ABCA13: variants seen among roughly 807,000 people sequenced by gnomAD.
ABCA13 encodes the protein ATP binding cassette subfamily A member 13, also known as ATP-binding cassette sub-family A member 13.
ABCA13 carries 476 observed loss-of-function variants against 478.7 expected under a neutral mutation model. The observed-to-expected ratio is 0.99, with a 90% CI of 0.92 to 1.07. The LOEUF is 1.07. Ranked by LOEUF, ABCA13 falls within the 50% of genes least tolerant of loss-of-function variation. ABCA13 has a pLI of 0.00. For missense variants in ABCA13, 6,060 were observed against 5,910.6 expected, an observed-to-expected ratio of 1.03 and a Z score of -0.83; for synonymous variants, 2,252 against 2,158.9, an observed-to-expected ratio of 1.04 and a Z score of -1.20.
rs575352802 is a variant in ABCA13 at position 48,338,049 on chromosome 7, T to C, written c.10114-316T>C. Among the ~76,000 whole-genome samples the C allele has an allele frequency of 2.2e-4, 33 of 152,346 alleles. No homozygotes were observed. The East Asian group carries it at 6.0e-3, about 28-fold the overall frequency. On this transcript the variant is annotated intron_variant, in intron 28 of 61. Transcript: ENST00000435803. ...GGCCATGCAAAGGAAAGGAATCTTATAGAAAGGTTCATTATATAGGTTCGT... is the reference window on the plus strand; with the variant it reads ...GGCCATGCAAAGGAAAGGAATCTTACAGAAAGGTTCATTATATAGGTTCGT...
intron 55 of ABCA13, among the ~76,000 whole-genome samples, chr7:48,533,133 A>T (rs1833349229): frequency 6.6e-6 from 1 of 152,086 alleles, no homozygotes. Context: ...TAGGCATTTA[A>T]GGCTATGAGC....
intron 24 of ABCA13, among the ~76,000 whole-genome samples, 198 bp from the exon 25 acceptor site, chr7:48,312,869 A>T (rs1194647147): frequency 2.0e-5 from 3 of 152,236 alleles, no homozygotes; most frequent in African/African-American, 7.2e-5. Flanking sequence ...ATGCTAGTGC[A>T]ATTCAGTGTG....
intron 1 of ABCA13, among the ~76,000 whole-genome samples, chr7:48,186,654 C>T (rs1796389395): frequency 6.6e-6 from 1 of 152,028 alleles, no homozygotes; most frequent in Admixed American, 6.5e-5. Flanking sequence ...TTGAGGGGCA[C>T]TCTCTCCCTT....
At chr7:48,573,155 T>G (rs73694678) in intron 55 of ABCA13, among the ~76,000 whole-genome samples, 10,250 of 152,120 alleles carry the variant, frequency 0.067, 445 homozygotes, top group African/African-American at 0.11. Context: ...TTAATTTTGC[T>G]TATTATAACT....
chr7:48,270,934 A>G (rs1449495943), intron 16 of ABCA13, among the ~76,000 whole-genome samples: 3 of 152,224 alleles, frequency 2.0e-5, no homozygotes, highest in Non-Finnish European at 4.4e-5. Context: ...GCAAAGATTT[A>G]TCATGAACTG....
rs189626313 is a variant in ABCA13, at chr7:48,465,099, G to A, written c.12816-1857G>A. 1.4e-3 allele frequency among the ~76,000 whole-genome samples: 219 copies of A among 152,294 alleles called. 4 individuals are homozygous for A. The highest frequency in any genetic ancestry group is 0.013 in the Admixed American group (200 of 15,292). ...CGCTGGCTAGGCTGGGCTGGGTGCCGTGCTCAGGAAGAAATGGTGAGCAAC... is the reference window on the plus strand; with the variant it reads ...CGCTGGCTAGGCTGGGCTGGGTGCCATGCTCAGGAAGAAATGGTGAGCAAC... On this transcript the variant is annotated intron_variant, in intron 43 of 61. Coordinates refer to ENST00000435803, the MANE Select transcript of ABCA13 (RefSeq NM_152701.5).
chr7:48,360,809 G>A (rs552531437), intron 31 of ABCA13, among the ~76,000 whole-genome samples: 5 of 152,054 alleles, frequency 3.3e-5, no homozygotes, highest in East Asian at 3.9e-4. Context: ...CACTGTAATC[G>A]CATGACATAT....
chr7:48,235,675 G>C (rs1033143366), intron 8 of ABCA13, among the ~76,000 whole-genome samples: 4 of 152,142 alleles, frequency 2.6e-5, no homozygotes, highest in Non-Finnish European at 5.9e-5. Context: ...ATACTGTTGT[G>C]GGGGAGGAAA....
Position 48,276,179 on chromosome 7 carries a change from T to C in ABCA13, c.6513T>C (p.Ser2171=), listed in dbSNP as rs1367321614. The C allele has an allele frequency of 2.5e-6, 4 of 1,592,646 alleles. No individual in the cohort carries two copies. Among genetic ancestry groups the C allele is most frequent in the East Asian group, 2.3e-5 (1 of 44,400 alleles). Residue 2171 remains serine (S), a synonymous_variant, in exon 17 of 62, where the codon TCT becomes TCC. Coordinates refer to ENST00000435803, the MANE Select transcript of ABCA13 (RefSeq NM_152701.5). ...AAGCTATTGCTACTTTTTGGGGCTC[T>C]TTAAAAAATATATCTAGAGCAGGCA... is the stretch of plus-strand genomic sequence containing the variant. The part of the protein sequence containing the change: ...LAKAIATFWG[S]LKNISRAGNF...
intron 47 of ABCA13, 29 bp downstream of exon 47, chr7:48,483,192 T>C (rs758857556): frequency 6.4e-7 from 1 of 1,561,636 alleles, no homozygotes; most frequent in Non-Finnish European, 8.7e-7. Flanking sequence ...TTTTTTCCTG[T>C]TTTAGAAAGT....
chr7:48,327,332 G>C (rs912315401), intron 27 of ABCA13, among the ~76,000 whole-genome samples: 3 of 152,146 alleles, frequency 2.0e-5, no homozygotes, highest in Non-Finnish European at 4.4e-5. Context: ...ACTATCACAA[G>C]AATAGCATGG....
intron 15 of ABCA13, among the ~76,000 whole-genome samples, chr7:48,250,871 C>A (rs1297723723): frequency 6.6e-6 from 1 of 152,170 alleles, no homozygotes; most frequent in Admixed American, 6.5e-5. Context: ...TGCTCCATCA[C>A]AGTGGGGTTA....
chr7:48,398,499 G>A (rs568735395), intron 38 of ABCA13, among the ~76,000 whole-genome samples: 3 of 152,228 alleles, frequency 2.0e-5, no homozygotes, highest in African/African-American at 7.2e-5. Flanking sequence ...CTGTATCACC[G>A]CTTGGTTTCC....
At position 48,496,016 on chromosome 7, in the gene ABCA13, A is replaced by G. The variant is rs184788675; in HGVS notation, c.13291+6672A>G. ...ATTGTGTAAAGTGAGTTTTGTGTAG[A>G]GTGTATATTGTTAGGTCATATTTTT... On this transcript the variant is annotated intron_variant, in intron 48 of 61. Coordinates refer to ENST00000435803, the MANE Select transcript of ABCA13 (RefSeq NM_152701.5). Among the ~76,000 whole-genome samples the G allele has an allele frequency of 8.9e-4, 136 of 152,090 alleles. 1 individual carries two copies. The highest frequency in any genetic ancestry group is 2.7e-3 in the Admixed American group (41 of 15,278).
intron 15 of ABCA13, among the ~76,000 whole-genome samples, chr7:48,256,895 A>G (rs772473847): frequency 4.6e-5 from 7 of 152,160 alleles, no homozygotes; most frequent in Non-Finnish European, 8.8e-5. Flanking sequence ...GAATCTGTGA[A>G]TTGCTTTGGG....
In ABCA13 at chr7:48,174,369, T is replaced by A. The variant is rs527660744; in HGVS notation, c.69+2817T>A. On this transcript the variant is annotated intron_variant, in intron 1 of 61. Coordinates refer to ENST00000435803, the MANE Select transcript of ABCA13 (RefSeq NM_152701.5). ...GCATACATGTGATAATTTAGTAATT[T>A]GTATCATTCATAAAGAGCAAATCAG... 4.8e-4 allele frequency among the ~76,000 whole-genome samples: 73 copies of A among 152,320 alleles called. No individual in the cohort carries two copies. In the South Asian group the frequency reaches 0.013, roughly 26 times the overall value.
intron 7 of ABCA13, among the ~76,000 whole-genome samples, chr7:48,231,656 CTATTATTAT>C (rs151023674): frequency 6.6e-6 from 1 of 150,664 alleles, no homozygotes; most frequent in East Asian, 2.0e-4. Flanking sequence ...GTCTCCTGAA[CTATTATTAT>C]TATTATTATT....
intron 27 of ABCA13, among the ~76,000 whole-genome samples, chr7:48,330,425 A>G (rs963029002): frequency 8.7e-5 from 13 of 149,250 alleles, no homozygotes; most frequent in Admixed American, 2.0e-4. Flanking sequence ...TCATTTATCT[A>G]TTCAACCATC....
chr7:48,372,220 T>A lies in ABCA13; in HGVS notation c.10856T>A (p.Leu3619Gln), dbSNP rs1276088785. 1 of 1,613,896 alleles carries A rather than the reference T, an allele frequency of 6.2e-7. No individual in the cohort carries two copies. The highest frequency in any genetic ancestry group is 1.1e-5 in the South Asian group (1 of 91,078). Residue 3619 changes from leucine to glutamine, a missense_variant, in exon 33 of 62, where the codon CTG becomes CAG. Around this residue, in one of 3 missense-constraint regions of ABCA13, gnomAD observed 4,423 missense variants for 4,309.1 expected, o/e 1.03. Coordinates refer to ENST00000435803, the MANE Select transcript of ABCA13 (RefSeq NM_152701.5). The stretch of plus-strand genomic sequence containing the variant: ...GTGATCCATTTCCTGGCCTGGTTCC[T>A]GGAGAACATGGCTGTGTTGACCATA... ...HPVIHFLAWF[L>Q]ENMAVLTISS... is the part of the protein sequence containing the mutation.
Sources: gnomAD v4.1 joint callset for allele counts (sites outside exome capture counted in the v4.1 genomes callset) on GRCh38, gnomAD v4.1.1 for gene constraint, gnomAD v4.1.1 regional missense constraint, MANE v1.5 for transcripts, NCBI Gene and HGNC (gene_info 2026-07-23, HGNC 2026-07-21) for gene names.